Variants in POU6F2 observed in about 807,000 individuals in gnomAD.
POU6F2 encodes POU domain, class 6, transcription factor 2.
In POU6F2, 31 loss-of-function variants were observed where a neutral mutation model predicts 71.3. The observed-to-expected ratio is 0.43, with a 90% CI of 0.33 to 0.59. POU6F2 has a LOEUF of 0.59. POU6F2 is among the 20% of genes least tolerant of loss of function. The pLI, the probability that POU6F2 is intolerant of heterozygous loss-of-function variation, is 0.04. For synonymous variants in POU6F2, 347 were observed against 355.7 expected, an observed-to-expected ratio of 0.98 and a Z score of 0.27; for missense variants, 783 against 856.8, an observed-to-expected ratio of 0.91 and a Z score of 1.07.
chr7:39,415,362 G>GT (rs1787649987), intron 6 of POU6F2, among the ~76,000 whole-genome samples: 1 of 152,168 alleles, frequency 6.6e-6, no homozygotes, highest in East Asian at 1.9e-4. Flanking sequence ...TCGTTTTCCT[G>GT]GGAATTGGGA....
chr7:39,419,153 G>A (rs111444684), intron 6 of POU6F2, among the ~76,000 whole-genome samples: 1 of 139,934 alleles, frequency 7.1e-6, no homozygotes, highest in Non-Finnish European at 1.5e-5. Flanking sequence ...ACGTATATAT[G>A]TGTATATATA....
intron 4 of POU6F2, among the ~76,000 whole-genome samples, chr7:39,325,199 CAA>C (rs371068914): frequency 8.5e-4 from 129 of 152,162 alleles, no homozygotes; most frequent in African/African-American, 3.0e-3. Flanking sequence ...TCCTATATCT[CAA>C]AATATAAAAA....
At chr7:39,446,466 A>G (rs945406796) in intron 7 of POU6F2, among the ~76,000 whole-genome samples, 1 of 152,240 alleles carries the variant, frequency 6.6e-6, no homozygotes, top group African/African-American at 2.4e-5. Context: ...TTTAATATCA[A>G]TGACACATTT....
chr7:39,194,088 G>A (rs1793726287), intron 2 of POU6F2, among the ~76,000 whole-genome samples: 1 of 152,210 alleles, frequency 6.6e-6, no homozygotes, highest in African/African-American at 2.4e-5. Flanking sequence ...ATAAAGAGGA[G>A]TGTTGGCCAC....
intron 4 of POU6F2, among the ~76,000 whole-genome samples, chr7:39,327,062 G>A (rs532685131): frequency 6.6e-5 from 10 of 152,070 alleles, no homozygotes; most frequent in Admixed American, 4.6e-4. Context: ...GGCGTATCAC[G>A]AGGTCAGGAG....
intron 2 of POU6F2, among the ~76,000 whole-genome samples, chr7:39,160,098 A>G (rs1792962066): frequency 6.6e-6 from 1 of 152,212 alleles, no homozygotes; most frequent in Admixed American, 6.5e-5. Flanking sequence ...CAGCAAACAT[A>G]GGAGAGGACA....
At chr7:39,383,047 T>G (rs1333405371) in intron 5 of POU6F2, among the ~76,000 whole-genome samples, 1 of 152,224 alleles carries the variant, frequency 6.6e-6, no homozygotes, top group Non-Finnish European at 1.5e-5. Context: ...TATACTGTGC[T>G]CCTATTGTTA....
chr7:39,246,435 C>A (rs1420786052), intron 4 of POU6F2, among the ~76,000 whole-genome samples: 3 of 132,208 alleles, frequency 2.3e-5, no homozygotes, highest in Non-Finnish European at 5.1e-5. Flanking sequence ...TTTAAGCTGA[C>A]CCCCTACTGA....
At chr7:39,424,116 A>AC (rs1334043215) in intron 6 of POU6F2, among the ~76,000 whole-genome samples, 1 of 152,178 alleles carries the variant, frequency 6.6e-6, no homozygotes, top group Non-Finnish European at 1.5e-5. Context: ...AGTGGTAGGG[A>AC]CCAGGGAACT....
chr7:39,433,926 T>C (rs1422202327), intron 7 of POU6F2, among the ~76,000 whole-genome samples: 1 of 152,188 alleles, frequency 6.6e-6, no homozygotes, highest in African/African-American at 2.4e-5. Flanking sequence ...AGCAGGCCCC[T>C]GATAAATGTG....
intron 1 of POU6F2, among the ~76,000 whole-genome samples, chr7:38,983,440 T>C (rs1788377344): frequency 6.6e-6 from 1 of 151,174 alleles, no homozygotes; most frequent in Non-Finnish European, 1.5e-5. Context: ...TAAAGTAAAT[T>C]ACCAACTCAA....
At chr7:39,453,388 T>A (rs576323350) in intron 8 of POU6F2, among the ~76,000 whole-genome samples, 8 of 152,324 alleles carry the variant, frequency 5.3e-5, no homozygotes, top group South Asian at 4.1e-4. Flanking sequence ...AATACTCCAT[T>A]TCTAAATGGC....
intron 4 of POU6F2, among the ~76,000 whole-genome samples, chr7:39,293,222 C>G (rs1288437617): frequency 6.6e-6 from 1 of 152,150 alleles, no homozygotes; most frequent in African/African-American, 2.4e-5. Flanking sequence ...CCCTCCCTCT[C>G]CTTGGCATGG....
At chr7:39,137,048 C>T (rs920727842) in intron 2 of POU6F2, among the ~76,000 whole-genome samples, 3 of 148,790 alleles carry the variant, frequency 2.0e-5, no homozygotes, top group African/African-American at 7.4e-5. Context: ...GGAGATGTTC[C>T]TTACAACATT....
At chr7:39,099,786 C>T (rs1046072500) in intron 2 of POU6F2, among the ~76,000 whole-genome samples, 2 of 152,106 alleles carry the variant, frequency 1.3e-5, no homozygotes, top group Non-Finnish European at 2.9e-5. Context: ...AATGAAAGCC[C>T]CTTCCCCTCA....
intron 2 of POU6F2, among the ~76,000 whole-genome samples, chr7:39,201,942 G>T (rs1042240842): frequency 6.6e-6 from 1 of 152,130 alleles, no homozygotes; most frequent in East Asian, 1.9e-4. Context: ...GGGAAAATGG[G>T]GATGCACACT....
intron 6 of POU6F2, among the ~76,000 whole-genome samples, chr7:39,422,726 G>A (rs972330178): frequency 1.4e-4 from 21 of 152,102 alleles, no homozygotes; most frequent in Admixed American, 1.4e-3. Context: ...GGAAATCAGT[G>A]GCTTCAATTT....
At chr7:39,007,461 G>A (rs565358182) in intron 1 of POU6F2, among the ~76,000 whole-genome samples, 43 of 152,294 alleles carry the variant, frequency 2.8e-4, no homozygotes, top group African/African-American at 9.4e-4. Flanking sequence ...CTAGGTCACT[G>A]ATGATGGGTC....
intron 1 of POU6F2, among the ~76,000 whole-genome samples, chr7:39,015,222 A>G (rs1789439727): frequency 6.9e-6 from 1 of 145,534 alleles, no homozygotes; most frequent in African/African-American, 2.5e-5. Flanking sequence ...GATTTTATGT[A>G]TATATTATAT....
Sources: allele counts gnomAD v4.1 joint callset (sites outside exome capture counted in the v4.1 genomes callset), GRCh38; gene constraint gnomAD v4.1.1; transcripts MANE v1.5; gene names NCBI Gene and HGNC (gene_info 2026-07-23, HGNC 2026-07-21).